ADAMTSL1: variants seen among roughly 807,000 people sequenced by gnomAD.
ADAMTSL1 encodes the protein ADAMTS-like protein 1.
Under a neutral mutation model 201.8 loss-of-function variants are expected in ADAMTSL1, and 126 were observed. The ratio of observed to expected loss-of-function variants is 0.62; its 90% CI spans 0.54 to 0.72. The LOEUF (loss-of-function observed/expected upper bound fraction) is 0.72. ADAMTSL1 is among the 30% of genes least tolerant of loss of function. The probability of loss-of-function intolerance (pLI) is 0.00; values close to 1 mark genes in which losing one functional copy is unlikely to be tolerated. For missense variants in ADAMTSL1, 2,679 were observed against 2,277.8 expected (o/e 1.18, Z -3.59); for synonymous variants, 1,121 against 903.4 (o/e 1.24, Z -4.32).
chr9:18,789,354 G>A (rs2033541), intron 19 of ADAMTSL1, among the ~76,000 whole-genome samples: 40,497 of 152,002 alleles, frequency 0.27, 5,415 homozygotes, highest in Middle Eastern at 0.33. Flanking sequence ...TGAGGAAACT[G>A]TCACTGAGAA....
At position 18,770,759 on chromosome 9, in the gene ADAMTSL1, G is replaced by T. The variant is rs200165481; in HGVS notation, c.2375G>T (p.Trp792Leu). The T allele has an allele frequency of 4.7e-5, 76 of 1,613,706 alleles. No individual in the cohort carries two copies. The highest frequency in any genetic ancestry group is 6.2e-5 in the Non-Finnish European group (73 of 1,179,860). The change falls in exon 17 of 29, where the codon TGG becomes TTG. Residue 792 changes from tryptophan (W) to leucine (L), a missense_variant. Transcript: ENST00000380548. ...ACKKDDCPSEWLLSDWTECST... is the reference protein window; with the variant it reads ...ACKKDDCPSELLLSDWTECST... ...AAGAAAGATGACTGTCCCAGCGAGT[G>T]GCTTCTCTCAGACTGGACAGAGGTA... is the stretch of plus-strand genomic sequence containing the variant.
At chr9:18,783,504 C>T (rs1821524928) in intron 19 of ADAMTSL1, among the ~76,000 whole-genome samples, 1 of 152,186 alleles carries the variant, frequency 6.6e-6, no homozygotes, top group African/African-American at 2.4e-5. Context: ...TTTGCTTTGT[C>T]AGCTCTAGAT....
intron 13 of ADAMTSL1, among the ~76,000 whole-genome samples, chr9:18,702,610 G>A (rs1831985254): frequency 6.6e-6 from 1 of 152,128 alleles, no homozygotes; most frequent in Non-Finnish European, 1.5e-5. Flanking sequence ...TCATTCATTT[G>A]CCAGGTGTGG....
At chr9:17,960,146 T>G (rs1358465625) in intron 1 of ADAMTSL1, among the ~76,000 whole-genome samples, 1 of 152,190 alleles carries the variant, frequency 6.6e-6, no homozygotes, top group African/African-American at 2.4e-5. Flanking sequence ...GTTCCATGTT[T>G]GGTCCAGATG....
chr9:18,879,589 G>A (rs1411359862), intron 23 of ADAMTSL1, among the ~76,000 whole-genome samples: 1 of 152,164 alleles, frequency 6.6e-6, no homozygotes, highest in East Asian at 1.9e-4. Flanking sequence ...TCCACTAAGT[G>A]TGCAACACCA....
At chr9:18,411,934 C>T (rs1818461163) in intron 2 of ADAMTSL1, among the ~76,000 whole-genome samples, 1 of 152,130 alleles carries the variant, frequency 6.6e-6, no homozygotes, top group East Asian at 1.9e-4. Context: ...TTGTCCTCTC[C>T]ACATCATTAT....
chr9:18,570,509 A>G (rs1822229566), intron 3 of ADAMTSL1, among the ~76,000 whole-genome samples: 1 of 152,168 alleles, frequency 6.6e-6, no homozygotes, highest in African/African-American at 2.4e-5. Context: ...TCTTCCCCTT[A>G]ATTTTTAAAC....
chr9:18,760,780 T>C (rs530353768), intron 16 of ADAMTSL1, among the ~76,000 whole-genome samples: 9 of 152,364 alleles, frequency 5.9e-5, no homozygotes, highest in East Asian at 1.9e-4. Context: ...CATCAGAACA[T>C]GCCATGTCCC....
At chr9:18,312,960 A>G (rs1169538524) in intron 2 of ADAMTSL1, among the ~76,000 whole-genome samples, 3 of 152,212 alleles carry the variant, frequency 2.0e-5, no homozygotes, top group East Asian at 3.8e-4. Context: ...ACATTTGGCC[A>G]AAGACCTGGA....
At chr9:17,963,544 A>G (rs144005780) in intron 1 of ADAMTSL1, among the ~76,000 whole-genome samples, 52 of 152,296 alleles carry the variant, frequency 3.4e-4, no homozygotes, top group African/African-American at 1.2e-3. Flanking sequence ...AATCAAGAGA[A>G]ATCAATGAGT....
Position 18,826,070 on chromosome 9 carries a change from T to G in ADAMTSL1, c.3935-214T>G, listed in dbSNP as rs1363465977. On this transcript the variant is annotated intron_variant, in intron 21 of 28. Transcript: ENST00000380548. ...AGACAACTGAGATGTTTATCTTGTA[T>G]CAACATTTATTCTGATTCTTTGGTC... 45 of 623,012 alleles carry G rather than the reference T, an allele frequency of 7.2e-5. No homozygotes were observed. In the South Asian group the frequency reaches 7.3e-4, roughly 10 times the overall value. 38.6% of individuals were successfully genotyped at this position (623,012 alleles called of 1,614,324 possible).
chr9:18,364,399 C>T (rs1167595535), intron 2 of ADAMTSL1, among the ~76,000 whole-genome samples: 1 of 152,100 alleles, frequency 6.6e-6, no homozygotes, highest in African/African-American at 2.4e-5. Context: ...TAAATTGTGT[C>T]CATGTTGATA....
intron 1 of ADAMTSL1, among the ~76,000 whole-genome samples, chr9:18,007,786 G>T (rs565004030): frequency 6.6e-6 from 1 of 151,420 alleles, no homozygotes; most frequent in East Asian, 2.0e-4. Context: ...ACATCCAAAA[G>T]AATTAAAAAA....
At chr9:18,015,540 A>G (rs1243362328) in intron 1 of ADAMTSL1, among the ~76,000 whole-genome samples, 1 of 152,126 alleles carries the variant, frequency 6.6e-6, no homozygotes, top group Non-Finnish European at 1.5e-5. Flanking sequence ...CAAGGACTAC[A>G]CACTCACTTG....
At chr9:18,429,515 G>T (rs1478263959) in intron 2 of ADAMTSL1, among the ~76,000 whole-genome samples, 1 of 152,038 alleles carries the variant, frequency 6.6e-6, no homozygotes, top group East Asian at 1.9e-4. Flanking sequence ...TGACTCTATT[G>T]CTTCTCCAGT....
chr9:18,734,795 A>C (rs1321930456), intron 15 of ADAMTSL1, among the ~76,000 whole-genome samples: 1 of 152,156 alleles, frequency 6.6e-6, no homozygotes, highest in Non-Finnish European at 1.5e-5. Flanking sequence ...TATACTAATT[A>C]GATATTCCCC....
At chr9:18,026,237 T>A (rs1820689512) in intron 1 of ADAMTSL1, among the ~76,000 whole-genome samples, 1 of 152,088 alleles carries the variant, frequency 6.6e-6, no homozygotes, top group South Asian at 2.1e-4. Flanking sequence ...GGACTTCCAG[T>A]ACTGTAATAC....
intron 23 of ADAMTSL1, among the ~76,000 whole-genome samples, chr9:18,851,370 C>T (rs1465123212): frequency 1.3e-5 from 2 of 152,172 alleles, no homozygotes; most frequent in African/African-American, 4.8e-5. Flanking sequence ...TAGTGCTCCC[C>T]TGGAAATTCT....
At chr9:18,718,886 T>A (rs1232714722) in intron 14 of ADAMTSL1, among the ~76,000 whole-genome samples, 1 of 152,230 alleles carries the variant, frequency 6.6e-6, no homozygotes, top group Non-Finnish European at 1.5e-5. Context: ...AGGCAAAATA[T>A]GTTTTATTTT....
Sources: gnomAD v4.1 joint callset for allele counts (sites outside exome capture counted in the v4.1 genomes callset) on GRCh38, gnomAD v4.1.1 for gene constraint, MANE v1.5 for transcripts, NCBI Gene and HGNC (gene_info 2026-07-23, HGNC 2026-07-21) for gene names.